Variants in PLXNC1 observed in about 807,000 individuals in gnomAD.
The protein encoded by PLXNC1 is plexin C1, also known as plexin-C1.
A neutral mutation model predicts 178.2 loss-of-function variants in PLXNC1; 75 were observed. The ratio of observed to expected loss-of-function variants is 0.42; its 90% CI spans 0.35 to 0.51. The LOEUF is 0.51. Among genes scored for constraint, PLXNC1 ranks in the 20% least tolerant of loss-of-function variants. The pLI, the probability that PLXNC1 is intolerant of heterozygous loss-of-function variation, is 0.02. For synonymous variants in PLXNC1, 790 were observed against 779.9 expected (o/e 1.01, Z -0.22); for missense variants, 1,503 against 1,984.4 (o/e 0.76, Z 4.61).
At chr12:94,219,280 A>G (rs1239307913) in intron 5 of PLXNC1, among the ~76,000 whole-genome samples, 1 of 152,232 alleles carries the variant, frequency 6.6e-6, no homozygotes, top group African/African-American at 2.4e-5. Flanking sequence ...TAGATTCCAG[A>G]TAAATGGAAA....
chr12:94,282,178 C>T (rs761924152), intron 22 of PLXNC1, 120 bp from the exon 23 acceptor site: 80 of 696,058 alleles, frequency 1.1e-4, no homozygotes, highest in Middle Eastern at 2.7e-4. Context: ...GCTGATGCAT[C>T]TCTACACCTT....
At chr12:94,167,652 C>T (rs1179643227) in intron 1 of PLXNC1, among the ~76,000 whole-genome samples, 1 of 152,134 alleles carries the variant, frequency 6.6e-6, no homozygotes, top group African/African-American at 2.4e-5. Flanking sequence ...ATTGTTCCAA[C>T]CTTAGACCCA....
At chr12:94,297,162 T>C (rs1186432069) in intron 24 of PLXNC1, 27 bp from the exon 25 acceptor site, 10 of 1,612,742 alleles carry the variant, frequency 6.2e-6, no homozygotes, top group Non-Finnish European at 8.5e-6. Flanking sequence ...ATGGACTGCT[T>C]TCTCTCCCTC....
chr12:94,235,662 T>G (rs1964219752), intron 9 of PLXNC1, among the ~76,000 whole-genome samples: 1 of 152,244 alleles, frequency 6.6e-6, no homozygotes, highest in Non-Finnish European at 1.5e-5. Context: ...TTGCGGGCCG[T>G]ATGGTCTCTG....
At chr12:94,229,732 G>A (rs1454583480) in intron 9 of PLXNC1, among the ~76,000 whole-genome samples, 2 of 152,130 alleles carry the variant, frequency 1.3e-5, no homozygotes, top group Non-Finnish European at 1.5e-5. Context: ...ATTTCTGGGT[G>A]TTCTTTTCTA....
At chr12:94,214,694 T>C (rs1273436062) in intron 5 of PLXNC1, among the ~76,000 whole-genome samples, 1 of 152,214 alleles carries the variant, frequency 6.6e-6, no homozygotes, top group Non-Finnish European at 1.5e-5. Context: ...TTTAACTTCA[T>C]GAATAAAAAG....
chr12:94,242,253 C>G (rs1045731616), intron 11 of PLXNC1, among the ~76,000 whole-genome samples: 8 of 150,310 alleles, frequency 5.3e-5, no homozygotes, highest in Non-Finnish European at 1.2e-4. Context: ...CATCTTCTCT[C>G]TATGTCTTCA....
chr12:94,275,568 G>A (rs535737145), intron 21 of PLXNC1, among the ~76,000 whole-genome samples: 3 of 141,308 alleles, frequency 2.1e-5, no homozygotes, highest in Non-Finnish European at 4.6e-5. Flanking sequence ...AGAAACTGCT[G>A]TTTGGCCGGG....
At chr12:94,216,223 G>A (rs376444818) in intron 5 of PLXNC1, among the ~76,000 whole-genome samples, 1 of 151,166 alleles carries the variant, frequency 6.6e-6, no homozygotes, top group South Asian at 2.1e-4. Context: ...AACCAAGATC[G>A]TGCCATTGCG....
chr12:94,248,306 G>T lies in PLXNC1; in HGVS notation c.2672G>T (p.Cys891Phe). 1 of 1,613,418 alleles carries T rather than the reference G, an allele frequency of 6.2e-7. No individual in the cohort carries two copies. Among genetic ancestry groups the T allele is most frequent in the East Asian group, 2.2e-5 (1 of 44,876 alleles). Reference sequence around the variant, plus strand: ...CATGGGGAAAATGGGCAATTAAATTGCAGTTTTGAAAATATTACTAGAAAT... The same window carrying T: ...CATGGGGAAAATGGGCAATTAAATTTCAGTTTTGAAAATATTACTAGAAAT... ...LFHGENGQLN[C>F]SFENITRNQD... The change falls in exon 14 of 31, where the codon TGC (cysteine) becomes TTC (phenylalanine). Residue 891 changes from cysteine to phenylalanine, a missense_variant. Coordinates refer to ENST00000258526, the MANE Select transcript of PLXNC1 (RefSeq NM_005761.3).
At chr12:94,188,527 T>A (rs1261288126) in intron 4 of PLXNC1, among the ~76,000 whole-genome samples, 1 of 152,156 alleles carries the variant, frequency 6.6e-6, no homozygotes, top group Non-Finnish European at 1.5e-5. Context: ...TTTCACCATG[T>A]TGGCCAGGTT....
At chr12:94,177,048 T>C (rs1333306756) in intron 2 of PLXNC1, among the ~76,000 whole-genome samples, 2 of 112,004 alleles carry the variant, frequency 1.8e-5, no homozygotes, top group East Asian at 5.0e-4. Flanking sequence ...TGTCATTTCA[T>C]ATATATGTGT....
chr12:94,221,742 G>C (rs1963801354), intron 6 of PLXNC1, among the ~76,000 whole-genome samples: 1 of 152,172 alleles, frequency 6.6e-6, no homozygotes, highest in Admixed American at 6.5e-5. Context: ...TAATGGCTTG[G>C]CCTCTGACTT....
intron 2 of PLXNC1, among the ~76,000 whole-genome samples, chr12:94,177,101 A>G (rs1247184126): frequency 1.5e-4 from 21 of 138,508 alleles, no homozygotes; most frequent in Non-Finnish European, 2.6e-4. Flanking sequence ...GTATATATAT[A>G]TGTGTGTGTG....
At chr12:94,164,689 ACACACACACACACACACG>A (rs1474050248) in intron 1 of PLXNC1, among the ~76,000 whole-genome samples, 2 of 137,304 alleles carry the variant, frequency 1.5e-5, no homozygotes, top group African/African-American at 6.2e-5. Context: ...ACACACACAC[ACACACACACACACACACG>A]TACACACACA....
rs1219807969 is a variant in PLXNC1, at chr12:94,305,836, T to C, written c.*551T>C. On this transcript the variant is annotated 3_prime_UTR_variant, in exon 31 of 31. Coordinates refer to ENST00000258526, the MANE Select transcript of PLXNC1 (RefSeq NM_005761.3). ...TGTACACTTAGCATTTGTGAGTGTG[T>C]GTGTGTGTTTAAACCAAAAACTAAC... is the stretch of plus-strand genomic sequence containing the variant. 1 of 152,278 alleles carries C rather than the reference T, an allele frequency of 6.6e-6. No homozygotes were observed. The allele number at this position is 152,278 out of a possible 1,614,324, so 9.4% of individuals were successfully genotyped here.
intron 27 of PLXNC1, 121 bp from the exon 28 acceptor site, chr12:94,300,789 C>A: frequency 1.3e-6 from 1 of 757,892 alleles, no homozygotes; most frequent in South Asian, 3.0e-5. Context: ...GTATGTTTGG[C>A]TAAGCAGAGT....
intron 2 of PLXNC1, among the ~76,000 whole-genome samples, chr12:94,171,597 TG>T (rs1961847782): frequency 6.6e-6 from 1 of 152,156 alleles, no homozygotes; most frequent in Non-Finnish European, 1.5e-5. Context: ...TCCCCTATGC[TG>T]CACTGACTTT....
intron 17 of PLXNC1, among the ~76,000 whole-genome samples, chr12:94,257,712 C>T (rs1242868825): frequency 6.6e-6 from 1 of 151,816 alleles, no homozygotes; most frequent in Non-Finnish European, 1.5e-5. Context: ...CAAGACCATC[C>T]TGGCTAACAC....
Sources: allele counts gnomAD v4.1 joint callset (sites outside exome capture counted in the v4.1 genomes callset), GRCh38; gene constraint gnomAD v4.1.1; transcripts MANE v1.5; gene names NCBI Gene and HGNC (gene_info 2026-07-23, HGNC 2026-07-21).